The following SF3B3 variants were observed in gnomAD, a reference collection of about 807,000 sequenced individuals.
SF3B3 encodes splicing factor 3b subunit 3.
In SF3B3, 33 loss-of-function variants were observed where a neutral mutation model predicts 139.2. That is an observed-to-expected ratio of 0.24 (90% CI 0.18 to 0.32). The LOEUF is 0.32. Among genes scored for constraint, SF3B3 ranks in the 10% least tolerant of loss-of-function variants. SF3B3 has a pLI of 1.00. For synonymous variants in SF3B3, 596 were observed against 563.6 expected (o/e 1.06, Z -0.81); for missense variants, 818 against 1,509.4 (o/e 0.54, Z 7.59).
At chr16:70,563,770 T>A (rs1398012373) in intron 17 of SF3B3, 106 bp from the exon 18 acceptor site, 1 of 1,065,922 alleles carries the variant, frequency 9.4e-7, no homozygotes, top group Non-Finnish European at 1.4e-6. Context: ...ATGCCAACGT[T>A]AGAGCTCCAG....
intron 9 of SF3B3, among the ~76,000 whole-genome samples, chr16:70,542,998 T>A (rs2050234178): frequency 6.6e-6 from 1 of 152,256 alleles, no homozygotes; most frequent in Admixed American, 6.5e-5. Context: ...GCTGGGATTA[T>A]AGGTGTGAGC....
rs964105937 is a variant in SF3B3 at position 70,574,375 on chromosome 16, G to T, written c.*2562G>T. The T allele has an allele frequency of 5.9e-5, 9 of 152,142 alleles. No individual in the cohort carries two copies. Among genetic ancestry groups the T allele is most frequent in the Non-Finnish European group, 5.9e-5 (4 of 68,084 alleles). The allele number at this position is 152,142 out of a possible 1,614,324, so 9.4% of individuals were successfully genotyped here. ...ATTTTTAAACTTTTGTAGAGACAGG[G>T]TCTCCCTGTGTTGCCCAGGCTGGCC... On this transcript the variant is annotated 3_prime_UTR_variant, in exon 26 of 26. Transcript: ENST00000302516.
chr16:70,571,793 C>T lies in SF3B3; in HGVS notation c.3634C>T (p.Arg1212Trp). 2.5e-6 allele frequency: 4 copies of T among 1,613,888 alleles called. No homozygotes were observed. Among genetic ancestry groups the T allele is most frequent in the Non-Finnish European group, 3.4e-6 (4 of 1,179,970 alleles). ...PEVSKKLEDI[R>W]TRYAF ...AGTGTCCAAGAAACTCGAGGATATC[C>T]GGACCCGCTACGCCTTCTGAGCCCT... The change falls in exon 26 of 26, where the codon CGG becomes TGG. Residue 1212 changes from arginine (R) to tryptophan (W), a missense_variant. Arg to Trp is a moderately radical substitution (Grantham distance 101). Around this residue, in one of 14 missense-constraint regions of SF3B3, gnomAD observed 28 missense variants for 59.1 expected, o/e 0.47. Coordinates refer to ENST00000302516, the MANE Select transcript of SF3B3 (RefSeq NM_012426.5).
intron 1 of SF3B3, among the ~76,000 whole-genome samples, chr16:70,526,352 C>T (rs1278994727): frequency 4.6e-5 from 7 of 152,010 alleles, no homozygotes; most frequent in Admixed American, 3.9e-4. Flanking sequence ...GGACTACAGG[C>T]GCACAGCACC....
At chr16:70,552,069 AT>A (rs2050332776) in intron 11 of SF3B3, among the ~76,000 whole-genome samples, 1 of 152,134 alleles carries the variant, frequency 6.6e-6, no homozygotes. Flanking sequence ...TTATTCTCTT[AT>A]GTTTGAGTAG....
chr16:70,567,876 AG>A (rs2050492022), intron 21 of SF3B3, among the ~76,000 whole-genome samples: 1 of 152,164 alleles, frequency 6.6e-6, no homozygotes, highest in Non-Finnish European at 1.5e-5. Flanking sequence ...TAGTAGAGAC[AG>A]GGTTTTACCA....
At chr16:70,566,411 A>G (rs2050477222) in intron 20 of SF3B3, among the ~76,000 whole-genome samples, 1 of 151,800 alleles carries the variant, frequency 6.6e-6, no homozygotes, top group Non-Finnish European at 1.5e-5. Context: ...AAAAATAAAA[A>G]ATCAGCCAAG....
chr16:70,546,509 G>A (rs1019116315), intron 10 of SF3B3, among the ~76,000 whole-genome samples: 6 of 152,034 alleles, frequency 3.9e-5, no homozygotes, highest in Non-Finnish European at 4.4e-5. Context: ...AAAATGAGCC[G>A]AGAGTGGTGG....
intron 1 of SF3B3, among the ~76,000 whole-genome samples, chr16:70,526,015 A>G (rs931329511): frequency 5.3e-5 from 8 of 151,734 alleles, no homozygotes; most frequent in Admixed American, 1.3e-4. Flanking sequence ...TCTCAAGTAG[A>G]AAATTTTATA....
intron 9 of SF3B3, among the ~76,000 whole-genome samples, chr16:70,542,527 AGG>A (rs948945642): frequency 3.9e-5 from 6 of 152,138 alleles, no homozygotes; most frequent in African/African-American, 1.4e-4. Context: ...AGTGACCATT[AGG>A]GACCACCTGT....
At chr16:70,540,840 C>T (rs77112348) in intron 8 of SF3B3, among the ~76,000 whole-genome samples, 4,855 of 152,206 alleles carry the variant, frequency 0.032, 290 homozygotes, top group African/African-American at 0.11. Flanking sequence ...ATTTTGTTTA[C>T]CCATTCTGCT....
At chr16:70,532,357 CAA>C (rs10524385) in intron 4 of SF3B3, 120 bp from the exon 5 acceptor site, 9 of 522,488 alleles carry the variant, frequency 1.7e-5, no homozygotes, top group East Asian at 4.0e-5. Flanking sequence ...CCTGTCTCTC[CAA>C]AAAAAAAAGA....
Position 70,570,654 on chromosome 16 carries a change from C to A in SF3B3, c.3409-441C>A, listed in dbSNP as rs2050520757. Among the ~76,000 whole-genome samples the A allele has an allele frequency of 2.6e-5, 4 of 152,108 alleles. No homozygotes were observed. The South Asian group carries it at 8.3e-4, about 31-fold the overall frequency. On this transcript the variant is annotated intron_variant, in intron 24 of 25. Transcript: ENST00000302516. The stretch of plus-strand genomic sequence containing the variant: ...CCAGGCCGTTTGTTTTTATAGTGTC[C>A]CAGGGTTTGCTTCAGTCTGATGCGA...
chr16:70,548,294 AT>A, intron 10 of SF3B3, 75 bp from the exon 11 acceptor site: 2 of 1,220,968 alleles, frequency 1.6e-6, no homozygotes, highest in Non-Finnish European at 2.4e-6. Context: ...TTGAGACCTT[AT>A]TTTTTGATGT....
chr16:70,564,015 G>A lies in SF3B3; in HGVS notation c.2428G>A (p.Ala810Thr), dbSNP rs765317316. ...IETDHNAYTEATKAQRKQQMA... is the reference protein window; with the variant it reads ...IETDHNAYTETTKAQRKQQMA... ...AACGGACCACAATGCCTACACTGAG[G>A]CCACGAAAGCTCAGAGAAAGCAGCA... is the stretch of plus-strand genomic sequence containing the variant. Residue 810 changes from alanine (A) to threonine (T), a missense_variant, in exon 18 of 26, where the codon GCC becomes ACC. This residue lies in a region of SF3B3 where 34 missense variants were observed against 30.5 expected (regional missense o/e 1.12). Transcript: ENST00000302516. 6.2e-7 allele frequency: 1 copy of A among 1,614,080 alleles called. No homozygotes were observed. The highest frequency in any genetic ancestry group is 1.7e-5 in the Admixed American group (1 of 60,018).
At position 70,574,719 on chromosome 16, in the gene SF3B3, C is replaced by T. The variant is rs2050561598; in HGVS notation, c.*2906C>T. 6.6e-6 allele frequency: 1 copy of T among 152,238 alleles called. No homozygotes were observed. Among genetic ancestry groups the T allele is most frequent in the African/African-American group, 2.4e-5 (1 of 41,460 alleles). The allele number at this position is 152,238 out of a possible 1,614,324, so 9.4% of individuals were successfully genotyped here. A position where few individuals can be genotyped will look rare whatever the true frequency, so the allele number is the denominator to read the frequency against. The stretch of plus-strand genomic sequence containing the variant: ...TGTTGGACAGGGTGGTCTCGAACTC[C>T]TGGCCTAAAGTGGTCCACCTAGCTC... On this transcript the variant is annotated 3_prime_UTR_variant, in exon 26 of 26. Transcript: ENST00000302516.
Position 70,568,447 on chromosome 16 carries a change from G to A in SF3B3, c.3117G>A (p.Leu1039=), listed in dbSNP as rs750249030. The change falls in exon 22 of 26, where the codon CTG becomes CTA. Residue 1039 remains leucine, a synonymous_variant. Coordinates refer to ENST00000302516, the MANE Select transcript of SF3B3 (RefSeq NM_012426.5). ...GATGGGTCACTACAGCCAGCCTCCT[G>A]GACTATGACACTGTGGCTGGGGCAG... The part of the protein sequence containing the change: ...YPRWVTTASL[L]DYDTVAGADK... The A allele has an allele frequency of 6.8e-6, 11 of 1,613,916 alleles. No individual in the cohort carries two copies. The highest frequency in any genetic ancestry group is 9.3e-6 in the Non-Finnish European group (11 of 1,179,926).
chr16:70,535,235 AGAG>A (rs1373363755), intron 5 of SF3B3, 70 bp from the exon 6 acceptor site: 3 of 676,306 alleles, frequency 4.4e-6, no homozygotes, highest in Admixed American at 2.5e-5. Context: ...GTGCTGAAAG[AGAG>A]GAGGAGTTGA....
intron 11 of SF3B3, chr16:70,550,471 G>A (rs1488263617): frequency 1.3e-5 from 2 of 156,276 alleles, no homozygotes; most frequent in Non-Finnish European, 2.8e-5. Context: ...TAATTTGGGA[G>A]TCACCTATAA....
Sources: gnomAD v4.1 joint callset for allele counts (sites outside exome capture counted in the v4.1 genomes callset) on GRCh38, gnomAD v4.1.1 for gene constraint, gnomAD v4.1.1 regional missense constraint, MANE v1.5 for transcripts, NCBI Gene and HGNC (gene_info 2026-07-23, HGNC 2026-07-21) for gene names.